The following AKIRIN1 variants were observed in gnomAD, a reference collection of about 807,000 sequenced individuals.
The protein encoded by AKIRIN1 is akirin 1, also known as akirin-1.
Under a neutral mutation model 25.9 loss-of-function variants are expected in AKIRIN1, and 4 were observed. The observed-to-expected ratio is 0.15, with a 90% CI of 0.08 to 0.35. AKIRIN1 has a LOEUF of 0.35. Ranked by LOEUF, AKIRIN1 falls within the 10% of genes least tolerant of loss-of-function variation. The pLI, the probability that AKIRIN1 is intolerant of heterozygous loss-of-function variation, is 1.00. For missense variants in AKIRIN1, 243 were observed against 266.1 expected (o/e 0.91, Z 0.61); for synonymous variants, 125 against 105.1 (o/e 1.19, Z -1.16).
At chr1:38,993,463 A>AC (rs1349299709) in intron 1 of AKIRIN1, among the ~76,000 whole-genome samples, 4 of 152,022 alleles carry the variant, frequency 2.6e-5, no homozygotes, top group African/African-American at 9.7e-5. Context: ...ATCTTAAAAA[A>AC]AAAAAAAGTT....
intron 1 of AKIRIN1, among the ~76,000 whole-genome samples, chr1:38,993,004 G>C (rs919281730): frequency 1.3e-5 from 2 of 152,134 alleles, no homozygotes; most frequent in East Asian, 3.9e-4. Context: ...CGCCATAGAT[G>C]GCCACTTGCA....
At chr1:38,991,677 G>GGGGGGCA in intron 1 of AKIRIN1, 77 bp downstream of exon 1, 1 of 192,414 alleles carries the variant, frequency 5.2e-6, no homozygotes, top group Non-Finnish European at 1.1e-5. Context: ...GGAGGGTTGG[G>GGGGGGCA]AATACCAGGC....
intron 1 of AKIRIN1, among the ~76,000 whole-genome samples, chr1:38,994,713 A>G (rs1643934841): frequency 1.5e-5 from 1 of 67,374 alleles, no homozygotes. Context: ...TTTTGAGATG[A>G]CGTTTCGCTC....
rs1195863946 is a variant in AKIRIN1, at chr1:39,005,819, C to T, written c.*1764C>T. ...TCTAACCAAAAACTGCAACATTATTCTTTGTACATTTTCATTATATAGTGT... is the reference window on the plus strand; with the variant it reads ...TCTAACCAAAAACTGCAACATTATTTTTTGTACATTTTCATTATATAGTGT... On this transcript the variant is annotated 3_prime_UTR_variant, in exon 5 of 5. Transcript: ENST00000432648. The T allele has an allele frequency of 1.3e-5, 2 of 152,106 alleles. No homozygotes were observed. The highest frequency in any genetic ancestry group is 2.9e-5 in the Non-Finnish European group (2 of 68,018). 9.4% of individuals were successfully genotyped at this position (152,106 alleles called of 1,614,324 possible). A position where few individuals can be genotyped will look rare whatever the true frequency, so the allele number is the denominator to read the frequency against.
Position 39,001,093 on chromosome 1 carries a change from T to G in AKIRIN1, c.483T>G (p.Asn161Lys). 1 of 1,611,788 alleles carries G rather than the reference T, an allele frequency of 6.2e-7. No individual in the cohort carries two copies. Among genetic ancestry groups the G allele is most frequent in the Non-Finnish European group, 8.5e-7 (1 of 1,179,096 alleles). Residue 161 changes from asparagine (N) to lysine (K), a missense_variant, in exon 3 of 5, where the codon AAT becomes AAG. By Grantham distance (94) the Asn-to-Lys change is moderately conservative (BLOSUM62 0). Transcript: ENST00000432648. ...KIREEYEQIL[N>K]TKLAEQYESF... ...GGGAGGAGTATGAGCAAATCCTCAA[T>G]ACCAAACTAGCAGGTAGGCCCAGGC...
At chr1:39,002,148 C>G (rs4147760) in intron 3 of AKIRIN1, among the ~76,000 whole-genome samples, 50,898 of 152,032 alleles carry the variant, frequency 0.33, 9,140 homozygotes, top group Non-Finnish European at 0.39. Flanking sequence ...GATTAAAGTC[C>G]TCAGCTGTAC....
chr1:39,000,345 C>CTTTTTTTTT (rs3078308), intron 2 of AKIRIN1, among the ~76,000 whole-genome samples: 1 of 128,314 alleles, frequency 7.8e-6, no homozygotes, highest in Non-Finnish European at 1.6e-5. Flanking sequence ...TTTTCTTTTT[C>CTTTTTTTTT]TTTTTTTTTT....
At chr1:38,992,417 G>A (rs1330463939) in intron 1 of AKIRIN1, among the ~76,000 whole-genome samples, 1 of 152,102 alleles carries the variant, frequency 6.6e-6, no homozygotes, top group Non-Finnish European at 1.5e-5. Context: ...AAGGACTTCC[G>A]GAAATGAGGG....
chr1:38,993,046 A>T (rs1002466098), intron 1 of AKIRIN1, among the ~76,000 whole-genome samples: 1 of 152,228 alleles, frequency 6.6e-6, no homozygotes, highest in Non-Finnish European at 1.5e-5. Context: ...GCTCCTGCAG[A>T]TACCTAAAGA....
chr1:38,999,471 T>A (rs904754004), intron 2 of AKIRIN1, among the ~76,000 whole-genome samples: 1 of 152,222 alleles, frequency 6.6e-6, no homozygotes, highest in African/African-American at 2.4e-5. Flanking sequence ...ACTTTTATGT[T>A]ACGTGACTTT....
intron 3 of AKIRIN1, among the ~76,000 whole-genome samples, chr1:39,002,410 A>G (rs1355236031): frequency 1.3e-5 from 2 of 152,174 alleles, no homozygotes; most frequent in African/African-American, 4.8e-5. Flanking sequence ...TAGTAGAACT[A>G]CTTTGATCCT....
intron 3 of AKIRIN1, among the ~76,000 whole-genome samples, chr1:39,002,546 C>T (rs4147756): frequency 0.34 from 51,322 of 151,834 alleles, 9,245 homozygotes; most frequent in Non-Finnish European, 0.39. Flanking sequence ...CTGGCTAACA[C>T]GGTGAAACCC....
chr1:39,004,104 C>T lies in AKIRIN1; in HGVS notation c.*49C>T. On this transcript the variant is annotated 3_prime_UTR_variant, in exon 5 of 5. Transcript: ENST00000432648. ...CAGGTTTGACCTCAAGAGATGGCTG[C>T]TGTACACTTTTTGCAACTGGTTTGA... 6.3e-7 allele frequency: 1 copy of T among 1,590,956 alleles called. No homozygotes were observed. Among genetic ancestry groups the T allele is most frequent in the South Asian group, 1.1e-5 (1 of 90,566 alleles).
chr1:38,991,590 T>C lies in AKIRIN1; in HGVS notation c.210T>C (p.Leu70=). Residue 70 remains leucine, a synonymous_variant, in exon 1 of 5, where the codon CTT becomes CTC. Transcript: ENST00000432648. ...CCCCGCCCGGCAGCGAGCGGCGCCT[T>C]CCAACTCCGGGTAACCTGCCCTGCT... ...QPAPPGSERR[L]PTPEQIFQNI... is the part of the protein sequence containing the mutation. 1 of 1,082,624 alleles carries C rather than the reference T, an allele frequency of 9.2e-7. No individual in the cohort carries two copies. The highest frequency in any genetic ancestry group is 1.1e-6 in the Non-Finnish European group (1 of 892,518). 67.1% of individuals were successfully genotyped at this position (1,082,624 alleles called of 1,614,324 possible).
chr1:39,004,921 A>T lies in AKIRIN1; in HGVS notation c.*866A>T, dbSNP rs1406452721. 3.9e-5 allele frequency: 6 copies of T among 152,366 alleles called. No homozygotes were observed. The highest frequency in any genetic ancestry group is 1.4e-4 in the African/African-American group (6 of 41,470). The allele number at this position is 152,366 out of a possible 1,614,324, so 9.4% of individuals were successfully genotyped here. Reference sequence around the variant, plus strand: ...GGAGCATCAGGGTTGGCTTGGGAGCATGAGAGGTGAGCCCAGGGCTAGGCC... The same window carrying T: ...GGAGCATCAGGGTTGGCTTGGGAGCTTGAGAGGTGAGCCCAGGGCTAGGCC... On this transcript the variant is annotated 3_prime_UTR_variant, in exon 5 of 5. Transcript: ENST00000432648.
Position 39,003,363 on chromosome 1 carries a change from T to G in AKIRIN1, c.513T>G (p.Phe171Leu). Residue 171 changes from phenylalanine (F) to leucine (L), a missense_variant, in exon 4 of 5, where the codon TTT becomes TTG. This residue lies in a region of AKIRIN1 where 25 missense variants were observed against 45.3 expected (regional missense o/e 0.55). Transcript: ENST00000432648. ...NTKLAEQYES[F>L]VKFTHDQIMR... The stretch of plus-strand genomic sequence containing the variant: ...TTCTCACAGAACAATATGAATCTTT[T>G]GTGAAATTCACACATGATCAGATTA... 4 of 1,613,902 alleles carry G rather than the reference T, an allele frequency of 2.5e-6. No homozygotes were observed. Among genetic ancestry groups the G allele is most frequent in the Non-Finnish European group, 3.4e-6 (4 of 1,179,966 alleles).
intron 1 of AKIRIN1, among the ~76,000 whole-genome samples, chr1:38,992,008 G>GA (rs1371425855): frequency 3.0e-4 from 43 of 141,662 alleles, no homozygotes; most frequent in African/African-American, 1.1e-3. Context: ...GCGGGGGTGG[G>GA]ATGGGGGCGG....
chr1:39,003,367 A>G lies in AKIRIN1; in HGVS notation c.517A>G (p.Lys173Glu). ...KLAEQYESFV[K>E]FTHDQIMRRY... Reference sequence around the variant, plus strand: ...CACAGAACAATATGAATCTTTTGTGAAATTCACACATGATCAGATTATGCG... The same window carrying G: ...CACAGAACAATATGAATCTTTTGTGGAATTCACACATGATCAGATTATGCG... Residue 173 changes from lysine to glutamate, a missense_variant, in exon 4 of 5, where the codon AAA becomes GAA. Transcript: ENST00000432648. 6.2e-7 allele frequency: 1 copy of G among 1,613,880 alleles called. No homozygotes were observed. Among genetic ancestry groups the G allele is most frequent in the Non-Finnish European group, 8.5e-7 (1 of 1,179,986 alleles).
At chr1:38,996,536 A>G (rs1422524896) in intron 1 of AKIRIN1, among the ~76,000 whole-genome samples, 1 of 144,852 alleles carries the variant, frequency 6.9e-6, no homozygotes, top group East Asian at 2.1e-4. Context: ...TTGTTTTTCT[A>G]TTTTTTTTTT....
Sources: gnomAD v4.1 joint callset for allele counts (sites outside exome capture counted in the v4.1 genomes callset) on GRCh38, gnomAD v4.1.1 for gene constraint, gnomAD v4.1.1 regional missense constraint, MANE v1.5 for transcripts, NCBI Gene and HGNC (gene_info 2026-07-23, HGNC 2026-07-21) for gene names.